Variants in CNTN4 observed in about 807,000 individuals in gnomAD.
CNTN4 encodes contactin-4.
A neutral mutation model predicts 122.5 loss-of-function variants in CNTN4; 77 were observed. That is an observed-to-expected ratio of 0.63 (90% CI 0.52 to 0.76). The LOEUF is 0.76. CNTN4 is among the 30% of genes least tolerant of loss of function. The probability of loss-of-function intolerance (pLI) is 0.00; values close to 1 mark genes in which losing one functional copy is unlikely to be tolerated. For synonymous variants in CNTN4, 512 were observed against 447.0 expected (o/e 1.15, Z -1.83); for missense variants, 1,256 against 1,259.1 (o/e 1.00, Z 0.04).
chr3:2,759,678 C>T (rs560316443), intron 6 of CNTN4, among the ~76,000 whole-genome samples: 14 of 148,754 alleles, frequency 9.4e-5, no homozygotes, highest in Admixed American at 2.0e-4. Context: ...GTATGTTTAA[C>T]ATACAGTAAC....
At chr3:2,733,186 G>A (rs2088823189) in intron 4 of CNTN4, among the ~76,000 whole-genome samples, 1 of 152,088 alleles carries the variant, frequency 6.6e-6, no homozygotes, top group Admixed American at 6.6e-5. Flanking sequence ...ATTTCTGTAT[G>A]AAATTCAAAT....
intron 3 of CNTN4, among the ~76,000 whole-genome samples, chr3:2,356,016 A>AT (rs1434375642): frequency 6.6e-6 from 1 of 151,996 alleles, no homozygotes; most frequent in East Asian, 1.9e-4. Context: ...TTTTACCTTG[A>AT]TTGGCTCAGT....
intron 2 of CNTN4, among the ~76,000 whole-genome samples, chr3:2,226,366 G>C (rs926717492): frequency 9.9e-5 from 15 of 152,116 alleles, no homozygotes; most frequent in Admixed American, 9.8e-4. Context: ...TGTGAGTTTG[G>C]AAACAATAGT....
At chr3:2,983,495 G>T (rs1159244111) in intron 13 of CNTN4, among the ~76,000 whole-genome samples, 1 of 152,072 alleles carries the variant, frequency 6.6e-6, no homozygotes, top group Non-Finnish European at 1.5e-5. Context: ...AATAGAACAT[G>T]TGGCTAACTC....
intron 6 of CNTN4, among the ~76,000 whole-genome samples, chr3:2,814,745 C>A (rs1287711286): frequency 6.6e-6 from 1 of 152,166 alleles, no homozygotes; most frequent in African/African-American, 2.4e-5. Flanking sequence ...TGGAGAGAGA[C>A]AAAACATGAG....
chr3:2,607,509 G>A (rs1230365045), intron 4 of CNTN4, among the ~76,000 whole-genome samples: 1 of 151,746 alleles, frequency 6.6e-6, no homozygotes, highest in Non-Finnish European at 1.5e-5. Context: ...AAAATGTAAA[G>A]TGAAAATAAA....
intron 13 of CNTN4, among the ~76,000 whole-genome samples, chr3:2,946,882 G>A (rs560789472): frequency 1.3e-5 from 2 of 151,772 alleles, no homozygotes; most frequent in East Asian, 1.9e-4. Flanking sequence ...ATTTCTTAAC[G>A]TTTTGTAGCA....
intron 14 of CNTN4, chr3:3,009,109 C>A: frequency 2.5e-6 from 2 of 813,012 alleles, no homozygotes; most frequent in Non-Finnish European, 3.0e-6. Flanking sequence ...ATGCCTTGCC[C>A]TGGCATGACT....
intron 6 of CNTN4, among the ~76,000 whole-genome samples, chr3:2,779,484 C>A (rs754951004): frequency 1.8e-4 from 28 of 152,112 alleles, no homozygotes; most frequent in Non-Finnish European, 3.2e-4. Flanking sequence ...CAGGCATGAG[C>A]CACAGTTGGT....
chr3:2,224,534 C>T (rs1299427607), intron 2 of CNTN4, among the ~76,000 whole-genome samples: 1 of 152,168 alleles, frequency 6.6e-6, no homozygotes, highest in Non-Finnish European at 1.5e-5. Flanking sequence ...CATTACTGCA[C>T]AGTTGTCATA....
chr3:2,355,939 A>G (rs1037344354), intron 3 of CNTN4, among the ~76,000 whole-genome samples: 1 of 152,228 alleles, frequency 6.6e-6, no homozygotes, highest in Non-Finnish European at 1.5e-5. Flanking sequence ...TGGTTAGTAT[A>G]TAACAACACC....
intron 23 of CNTN4, among the ~76,000 whole-genome samples, chr3:3,052,461 C>A (rs549524989): frequency 1.3e-5 from 2 of 152,240 alleles, no homozygotes; most frequent in East Asian, 3.9e-4. Flanking sequence ...TTTACAAGCA[C>A]CCCAATGGTT....
At chr3:2,926,701 T>C (rs1015147599) in intron 13 of CNTN4, among the ~76,000 whole-genome samples, 1 of 152,244 alleles carries the variant, frequency 6.6e-6, no homozygotes, top group Non-Finnish European at 1.5e-5. Flanking sequence ...TGGATTTGCA[T>C]ATACATATTA....
At chr3:2,117,571 T>C (rs2033448778) in intron 2 of CNTN4, among the ~76,000 whole-genome samples, 1 of 152,206 alleles carries the variant, frequency 6.6e-6, no homozygotes, top group South Asian at 2.1e-4. Flanking sequence ...AATTATATCT[T>C]GGTCTTTATG....
At chr3:2,166,320 G>T (rs1410221307) in intron 2 of CNTN4, among the ~76,000 whole-genome samples, 1 of 151,628 alleles carries the variant, frequency 6.6e-6, no homozygotes, top group Non-Finnish European at 1.5e-5. Context: ...TATTATTTTT[G>T]ATAATAATTA....
At chr3:2,422,160 A>T (rs931548974) in intron 3 of CNTN4, among the ~76,000 whole-genome samples, 2 of 152,248 alleles carry the variant, frequency 1.3e-5, no homozygotes, top group Non-Finnish European at 2.9e-5. Context: ...TTTTAACCAC[A>T]TCTAGAGCAC....
intron 4 of CNTN4, among the ~76,000 whole-genome samples, chr3:2,575,999 T>A (rs1024453136): frequency 6.6e-6 from 1 of 151,860 alleles, no homozygotes; most frequent in African/African-American, 2.4e-5. Flanking sequence ...CATGCCTGGC[T>A]AATTTTTTTG....
chr3:2,340,710 T>TATATATATATAGAG, intron 3 of CNTN4, among the ~76,000 whole-genome samples: 39 of 18,290 alleles, frequency 2.1e-3, no homozygotes, highest in Non-Finnish European at 4.4e-3. Flanking sequence ...TATATATATA[T>TATATATATATAGAG]AGAGAGAGAG....
chr3:2,305,112 A>G (rs896081962), intron 2 of CNTN4, among the ~76,000 whole-genome samples: 5 of 152,020 alleles, frequency 3.3e-5, no homozygotes, highest in East Asian at 1.9e-4. Context: ...AGAGCTATCA[A>G]TTGTTTTCAA....
Sources: gnomAD v4.1 joint callset for allele counts (sites outside exome capture counted in the v4.1 genomes callset) on GRCh38, gnomAD v4.1.1 for gene constraint, MANE v1.5 for transcripts, NCBI Gene and HGNC (gene_info 2026-07-23, HGNC 2026-07-21) for gene names.